The following FGFR4 variants were observed in gnomAD, a reference collection of about 807,000 sequenced individuals.
FGFR4 encodes the protein hydroxyaryl-protein kinase.
A neutral mutation model predicts 89.9 loss-of-function variants in FGFR4; 63 were observed. The observed-to-expected ratio is 0.70, with a 90% CI of 0.57 to 0.86. The LOEUF (loss-of-function observed/expected upper bound fraction) is 0.86. Among genes scored for constraint, FGFR4 ranks in the 40% least tolerant of loss-of-function variants. The probability of loss-of-function intolerance (pLI) is 0.00; values close to 1 mark genes in which losing one functional copy is unlikely to be tolerated. For missense variants in FGFR4, 928 were observed against 1,106.7 expected (o/e 0.84, Z 2.29); for synonymous variants, 486 against 479.4 (o/e 1.01, Z -0.18).
At position 177,092,344 on chromosome 5, in the gene FGFR4, C is replaced by G. The variant is rs1784395774; in HGVS notation, c.751C>G (p.Leu251Val). 1 of 1,594,708 alleles carries G rather than the reference C, an allele frequency of 6.3e-7. No individual in the cohort carries two copies. Residue 251 changes from leucine (L) to valine (V), a missense_variant, in exon 7 of 18, where the codon CTG becomes GTG. Leu to Val is a conservative substitution (Grantham distance 32). Coordinates refer to ENST00000292408, the MANE Select transcript of FGFR4 (RefSeq NM_213647.3). ...AGAGCGGTCCCCGCACCGGCCCATCCTGCAGGCCGGGCTCCCGGCCAACAC... is the reference window on the plus strand; with the variant it reads ...AGAGCGGTCCCCGCACCGGCCCATCGTGCAGGCCGGGCTCCCGGCCAACAC... Reference protein sequence around the residue: ...VLERSPHRPILQAGLPANTTA... With the variant: ...VLERSPHRPIVQAGLPANTTA...
rs145163805 is a variant in FGFR4, at chr5:177,093,733, C to G, written c.1477C>G (p.Arg493Gly). ...AGAGGCCTTTGGCATGGACCCTGCC[C>G]GGCCTGACCAAGCCAGCACTGTGGC... Reference protein sequence around the residue: ...RAEAFGMDPARPDQASTVAVK... With the variant: ...RAEAFGMDPAGPDQASTVAVK... The change falls in exon 11 of 18, where the codon CGG (arginine) becomes GGG (glycine). Residue 493 changes from arginine (R) to glycine (G), a missense_variant. This residue lies in a region of FGFR4 where 741 missense variants were observed against 836.9 expected (regional missense o/e 0.89). Transcript: ENST00000292408. This position sits in a 1 kb window ranked among gnomAD's most constrained non-coding sequence, Gnocchi z 5.8. 1 of 1,613,840 alleles carries G rather than the reference C, an allele frequency of 6.2e-7. No homozygotes were observed. The highest frequency in any genetic ancestry group is 1.7e-5 in the Admixed American group (1 of 60,024).
rs1784374248 is a variant in FGFR4 at position 177,091,750 on chromosome 5, C to T, written c.669C>T (p.Thr223=). The T allele has an allele frequency of 5.6e-6, 9 of 1,614,146 alleles. No individual in the cohort carries two copies. The highest frequency in any genetic ancestry group is 1.3e-5 in the African/African-American group (1 of 74,954). ...TGCCCTCGGACCGCGGCACATACACCTGCCTGGTAGAGAACGCTGTGGGCA... is the reference window on the plus strand; with the variant it reads ...TGCCCTCGGACCGCGGCACATACACTTGCCTGGTAGAGAACGCTGTGGGCA... The part of the protein sequence containing the change: ...SVVPSDRGTY[T]CLVENAVGSI... The change falls in exon 6 of 18, where the codon ACC becomes ACT. Residue 223 remains threonine (T), a synonymous_variant. Transcript: ENST00000292408.
chr5:177,097,995 T>G lies in FGFR4; in HGVS notation c.*319T>G. 2.0e-5 allele frequency: 6 copies of G among 296,266 alleles called. No homozygotes were observed. Among genetic ancestry groups the G allele is most frequent in the East Asian group, 5.0e-5 (1 of 19,812 alleles). The allele number at this position is 296,266 out of a possible 1,614,324, so 18.4% of individuals were successfully genotyped here. On this transcript the variant is annotated 3_prime_UTR_variant, in exon 18 of 18. Transcript: ENST00000292408. ...GAGGTTCTGGGCCTCTGAACCCCCTTTCCCCACACCTCCCCCTGCTGCTGC... is the reference window on the plus strand; with the variant it reads ...GAGGTTCTGGGCCTCTGAACCCCCTGTCCCCACACCTCCCCCTGCTGCTGC...
rs200835456 is a variant in FGFR4, at chr5:177,093,568, G to T, written c.1397+17G>T. 1.2e-6 allele frequency: 2 copies of T among 1,612,546 alleles called. No individual in the cohort carries two copies. Among genetic ancestry groups the T allele is most frequent in the African/African-American group, 2.7e-5 (2 of 74,918 alleles). ...CCGGGACAGGTGCGCTGAGCTGTGTGGGGGCAGGGACGCGGGCGCCGGGTT... is the reference window on the plus strand; with the variant it reads ...CCGGGACAGGTGCGCTGAGCTGTGTTGGGGCAGGGACGCGGGCGCCGGGTT... On this transcript the variant is annotated intron_variant, in intron 10 of 17. Coordinates refer to ENST00000292408, the MANE Select transcript of FGFR4 (RefSeq NM_213647.3). The surrounding 1 kb of genome is among the most constrained non-coding windows in gnomAD (Gnocchi z 5.8).
Position 177,095,310 on chromosome 5 carries a change from C to G in FGFR4, c.1520-20C>G. The stretch of plus-strand genomic sequence containing the variant: ...TGCAGTTGGAGGGCAGCCTCTTCAC[C>G]CCGTCTGCTGCCCTTACAGACAACG... On this transcript the variant is annotated intron_variant, in intron 11 of 17. Coordinates refer to ENST00000292408, the MANE Select transcript of FGFR4 (RefSeq NM_213647.3). This position sits in a 1 kb window ranked among gnomAD's most constrained non-coding sequence, Gnocchi z 5.7. The G allele has an allele frequency of 6.2e-7, 1 of 1,600,156 alleles. No individual in the cohort carries two copies. The highest frequency in any genetic ancestry group is 8.6e-7 in the Non-Finnish European group (1 of 1,167,458).
Position 177,093,920 on chromosome 5 carries a change from A to T in FGFR4, c.1519+145A>T, listed in dbSNP as rs930506383. The stretch of plus-strand genomic sequence containing the variant: ...CATCTCTACAAAAAAAAAATAAGAA[A>T]ATTAGTTGGGTGTGGTGGTGTGTGC... On this transcript the variant is annotated intron_variant, in intron 11 of 17. Coordinates refer to ENST00000292408, the MANE Select transcript of FGFR4 (RefSeq NM_213647.3). This position sits in a 1 kb window ranked among gnomAD's most constrained non-coding sequence, Gnocchi z 5.8. The T allele has an allele frequency of 9.8e-7, 1 of 1,022,704 alleles. No individual in the cohort carries two copies. The highest frequency in any genetic ancestry group is 1.4e-6 in the Non-Finnish European group (1 of 725,284). The allele number at this position is 1,022,704 out of a possible 1,614,324, so 63.4% of individuals were successfully genotyped here.
At position 177,095,356 on chromosome 5, in the gene FGFR4, G is replaced by C; in HGVS notation, c.1546G>C (p.Asp516His). Residue 516 changes from aspartate to histidine, a missense_variant, in exon 12 of 18, where the codon GAC (aspartate) becomes CAC (histidine). By Grantham distance (81) the Asp-to-His change is moderately conservative. Transcript: ENST00000292408. The surrounding 1 kb of genome is among the most constrained non-coding windows in gnomAD (Gnocchi z 5.7). The stretch of plus-strand genomic sequence containing the variant: ...CAACGCCTCTGACAAGGACCTGGCC[G>C]ACCTGGTCTCGGAGATGGAGGTGAT... ...KDNASDKDLADLVSEMEVMKL... is the reference protein window; with the variant it reads ...KDNASDKDLAHLVSEMEVMKL... The C allele has an allele frequency of 6.2e-7, 1 of 1,614,140 alleles. No individual in the cohort carries two copies. The highest frequency in any genetic ancestry group is 8.5e-7 in the Non-Finnish European group (1 of 1,180,018).
intron 8 of FGFR4, 107 bp downstream of exon 8, chr5:177,092,891 C>CT (rs1784418079): frequency 6.4e-7 from 1 of 1,554,660 alleles, no homozygotes; most frequent in Admixed American, 1.8e-5. Flanking sequence ...GGGGTCTGGC[C>CT]TGGGGGGCAG....
rs149419025 is a variant in FGFR4, at chr5:177,090,552, G to T, written c.254G>T (p.Arg85Leu). 1 of 1,528,114 alleles carries T rather than the reference G, an allele frequency of 6.5e-7. No homozygotes were observed. Among genetic ancestry groups the T allele is most frequent in the Non-Finnish European group, 8.8e-7 (1 of 1,139,814 alleles). 94.7% of individuals were successfully genotyped at this position (1,528,114 alleles called of 1,614,324 possible). A position where few individuals can be genotyped will look rare whatever the true frequency, so the allele number is the denominator to read the frequency against. The change falls in exon 3 of 18, where the codon CGC becomes CTC. Residue 85 changes from arginine (R) to leucine (L), a missense_variant. This residue lies in a region of FGFR4 where 741 missense variants were observed against 836.9 expected (regional missense o/e 0.89). Transcript: ENST00000292408. ...GGCCGTGTACGGGGCTGGAGGGGCC[G>T]CCTAGAGATTGCCAGCTTCCTACCT... is the stretch of plus-strand genomic sequence containing the variant. ...PAGRVRGWRG[R>L]LEIASFLPED... is the part of the protein sequence containing the mutation.
chr5:177,094,980 C>T (rs1784496610), intron 11 of FGFR4: 2 of 281,056 alleles, frequency 7.1e-6, no homozygotes, highest in Non-Finnish European at 1.4e-5. Flanking sequence ...CGGGGACTAC[C>T]GCTGACCCCT....
intron 6 of FGFR4, among the ~76,000 whole-genome samples, 178 bp from the exon 7 acceptor site, chr5:177,092,143 T>C (rs1197102765): frequency 1.3e-5 from 2 of 152,154 alleles, no homozygotes; most frequent in Non-Finnish European, 2.9e-5. Flanking sequence ...TAGGCTGAGA[T>C]GTTGTCCTTG....
At position 177,093,528 on chromosome 5, in the gene FGFR4, A is replaced by G. The variant is rs764371498; in HGVS notation, c.1374A>G (p.Pro458=). 6 of 1,613,576 alleles carry G rather than the reference A, an allele frequency of 3.7e-6. No individual in the cohort carries two copies. In the Admixed American group the frequency reaches 8.3e-5, roughly 22 times the overall value. Residue 458 remains proline (P), a synonymous_variant, in exon 10 of 18, where the codon CCA becomes CCG. Transcript: ENST00000292408. The surrounding 1 kb of genome is among the most constrained non-coding windows in gnomAD (Gnocchi z 5.8). Reference sequence around the variant, plus strand: ...TGAGTCTAGATCTACCTCTCGACCCACTATGGGAGTTCCCCCGGGACAGGT... The same window carrying G: ...TGAGTCTAGATCTACCTCTCGACCCGCTATGGGAGTTCCCCCGGGACAGGT... ...GLVSLDLPLD[P]LWEFPRDRLV...
rs569707811 is a variant in FGFR4 at position 177,095,620 on chromosome 5, G to A, written c.1718G>A (p.Ser573Asn). 7 of 1,605,546 alleles carry A rather than the reference G, an allele frequency of 4.4e-6. No homozygotes were observed. The East Asian group carries it at 9.0e-5, about 21-fold the overall frequency. The change falls in exon 13 of 18, where the codon AGC becomes AAC. Residue 573 changes from serine (S) to asparagine (N), a missense_variant. By Grantham distance (46) the Ser-to-Asn change is conservative. Coordinates refer to ENST00000292408, the MANE Select transcript of FGFR4 (RefSeq NM_213647.3). The surrounding 1 kb of genome is among the most constrained non-coding windows in gnomAD (Gnocchi z 5.7). ...CGGCGCCCCCCAGGCCCCGACCTCAGCCCCGACGGTCCTCGGAGCAGTGAG... is the reference window on the plus strand; with the variant it reads ...CGGCGCCCCCCAGGCCCCGACCTCAACCCCGACGGTCCTCGGAGCAGTGAG... The part of the protein sequence containing the change: ...RARRPPGPDL[S>N]PDGPRSSEGP...
intron 4 of FGFR4, 42 bp from the exon 5 acceptor site, chr5:177,090,896 G>A (rs999400793): frequency 1.2e-6 from 2 of 1,614,078 alleles, no homozygotes; most frequent in Non-Finnish European, 1.7e-6. Context: ...AGGCCTGTGT[G>A]GGAACACACG....
Position 177,095,536 on chromosome 5 carries a change from C to A in FGFR4, c.1634C>A (p.Pro545His). 1 of 1,611,592 alleles carries A rather than the reference C, an allele frequency of 6.2e-7. No individual in the cohort carries two copies. Among genetic ancestry groups the A allele is most frequent in the Non-Finnish European group, 8.5e-7 (1 of 1,178,798 alleles). Residue 545 changes from proline (P) to histidine (H), a missense_variant, in exon 13 of 18, where the codon CCC becomes CAC. Pro to His is a moderately conservative substitution (Grantham distance 77). Around this residue, in one of 5 missense-constraint regions of FGFR4, gnomAD observed 741 missense variants for 836.9 expected, o/e 0.89. Coordinates refer to ENST00000292408, the MANE Select transcript of FGFR4 (RefSeq NM_213647.3). The surrounding 1 kb of genome is among the most constrained non-coding windows in gnomAD (Gnocchi z 5.7). ...GCTCCCTCCACTCCCTCTGCAGGGC[C>A]CCTGTACGTGATCGTGGAGTGCGCC... is the stretch of plus-strand genomic sequence containing the variant. ...NLLGVCTQEG[P>H]LYVIVECAAK...
At chr5:177,091,192 A>G (rs1784356593) in intron 5 of FGFR4, 88 bp downstream of exon 5, 9 of 1,424,876 alleles carry the variant, frequency 6.3e-6, no homozygotes, top group Admixed American at 2.5e-5. Context: ...CTATAAATCA[A>G]TCGAATGAGT....
At position 177,089,597 on chromosome 5, in the gene FGFR4, A is replaced by G. The variant is rs1784277688; in HGVS notation, c.-6A>G. On this transcript the variant is annotated 5_prime_UTR_variant, in exon 2 of 18. Coordinates refer to ENST00000292408, the MANE Select transcript of FGFR4 (RefSeq NM_213647.3). ...AGCTTGGGTCCCTGAGAGCTGTGAGAAGGAGATGCGGCTGCTGCTGGCCCT... is the reference window on the plus strand; with the variant it reads ...AGCTTGGGTCCCTGAGAGCTGTGAGGAGGAGATGCGGCTGCTGCTGGCCCT... 2.5e-6 allele frequency: 4 copies of G among 1,612,798 alleles called. No individual in the cohort carries two copies. Among genetic ancestry groups the G allele is most frequent in the Non-Finnish European group, 3.4e-6 (4 of 1,179,354 alleles).
At position 177,090,506 on chromosome 5, in the gene FGFR4, G is replaced by A; in HGVS notation, c.208G>A (p.Gly70Ser). The change falls in exon 3 of 18, where the codon GGC becomes AGC. Residue 70 changes from glycine (G) to serine (S), a missense_variant. Gly to Ser is a moderately conservative substitution (Grantham distance 56). Transcript: ENST00000292408. ...AERGGHWYKEGSRLAPAGRVR... is the reference protein window; with the variant it reads ...AERGGHWYKESSRLAPAGRVR... ...GCGTGGTGGCCACTGGTACAAGGAG[G>A]GCAGTCGCCTGGCACCTGCTGGCCG... The A allele has an allele frequency of 6.4e-7, 1 of 1,569,568 alleles. No individual in the cohort carries two copies. The highest frequency in any genetic ancestry group is 8.6e-7 in the Non-Finnish European group (1 of 1,157,418).
At position 177,093,470 on chromosome 5, in the gene FGFR4, C is replaced by T. The variant is rs1784442120; in HGVS notation, c.1316C>T (p.Ser439Phe). 3 of 1,614,046 alleles carry T rather than the reference C, an allele frequency of 1.9e-6. No individual in the cohort carries two copies. The highest frequency in any genetic ancestry group is 2.7e-5 in the African/African-American group (2 of 75,080). The change falls in exon 10 of 18, where the codon TCC becomes TTC. Residue 439 changes from serine (S) to phenylalanine (F), a missense_variant. Physicochemically the swap from Ser to Phe is radical, Grantham distance 155. Transcript: ENST00000292408. The surrounding 1 kb of genome is among the most constrained non-coding windows in gnomAD (Gnocchi z 5.8). The part of the protein sequence containing the change: ...SSSLVRGVRL[S>F]SSGPALLAGL... ...TCCCTGGTACGAGGCGTGCGTCTCT[C>T]CTCCAGCGGCCCCGCCTTGCTCGCC...
Sources: gnomAD v4.1 joint callset for allele counts (sites outside exome capture counted in the v4.1 genomes callset) on GRCh38, gnomAD v4.1.1 for gene constraint, gnomAD v4.1.1 regional missense constraint, Gnocchi (gnomAD v3.1) non-coding constraint, MANE v1.5 for transcripts, NCBI Gene and HGNC (gene_info 2026-07-23, HGNC 2026-07-21) for gene names.